The following CDC27 variants were observed in gnomAD, a reference collection of about 807,000 sequenced individuals.
CDC27 encodes the protein cell division cycle protein 27 homolog.
CDC27 carries 27 observed loss-of-function variants against 109.7 expected under a neutral mutation model. The ratio of observed to expected loss-of-function variants is 0.25; its 90% CI spans 0.18 to 0.34. CDC27 has a LOEUF of 0.34. Among genes scored for constraint, CDC27 ranks in the 10% least tolerant of loss-of-function variants. The probability of loss-of-function intolerance (pLI) is 1.00; values close to 1 mark genes in which losing one functional copy is unlikely to be tolerated. For synonymous variants in CDC27, 266 were observed against 333.9 expected (o/e 0.80, Z 2.22); for missense variants, 579 against 960.2 (o/e 0.60, Z 5.25).
At position 47,137,245 on chromosome 17, in the gene CDC27, A is replaced by G. The variant is rs1172181934; in HGVS notation, c.1820T>C (p.Leu607Ser). 1.9e-6 allele frequency: 3 copies of G among 1,611,010 alleles called. No homozygotes were observed. The highest frequency in any genetic ancestry group is 2.5e-6 in the Non-Finnish European group (3 of 1,178,154). Residue 607 changes from leucine (L) to serine (S), a missense_variant, in exon 14 of 19, where the codon TTA (leucine) becomes TCA (serine). Around this residue, in one of 9 missense-constraint regions of CDC27, gnomAD observed 227 missense variants for 363.6 expected, o/e 0.62. Coordinates refer to ENST00000066544, the MANE Select transcript of CDC27 (RefSeq NM_001256.6). ...TTCAGTTAAGACAAACTCATGCCCT[A>G]ATAGAGTATAGGCATAAGCGTAATT... ...DPNYAYAYTL[L>S]GHEFVLTEEL...
intron 16 of CDC27, among the ~76,000 whole-genome samples, chr17:47,127,334 T>C (rs529246195): frequency 1.9e-4 from 29 of 152,270 alleles, no homozygotes; most frequent in African/African-American, 2.6e-4. Context: ...ATAAAGAAGA[T>C]AGAATAAAAC....
At chr17:47,134,785 C>CTTTT (rs376654308) in intron 14 of CDC27, among the ~76,000 whole-genome samples, 4 of 125,002 alleles carry the variant, frequency 3.2e-5, no homozygotes, top group South Asian at 2.6e-4. Flanking sequence ...TAATTGTTTT[C>CTTTT]TTTTTTTTTT....
At chr17:47,149,005 G>T (rs956843373) in intron 9 of CDC27, among the ~76,000 whole-genome samples, 6 of 147,806 alleles carry the variant, frequency 4.1e-5, no homozygotes, top group Admixed American at 4.1e-4. Context: ...CTTGAACTCG[G>T]GAAGCAGAGG....
intron 14 of CDC27, among the ~76,000 whole-genome samples, chr17:47,133,285 T>C (rs2062451454): frequency 6.7e-6 from 1 of 149,276 alleles, no homozygotes; most frequent in Non-Finnish European, 1.5e-5. Flanking sequence ...ATTACAGGCA[T>C]GCACCATCAC....
At chr17:47,176,563 A>G (rs1339079205) in intron 2 of CDC27, among the ~76,000 whole-genome samples, 2 of 152,210 alleles carry the variant, frequency 1.3e-5, no homozygotes, top group Non-Finnish European at 2.9e-5. Flanking sequence ...AAATGGCAAT[A>G]TATGAGGAGA....
chr17:47,167,416 G>A (rs1326080350), intron 4 of CDC27, among the ~76,000 whole-genome samples: 10 of 152,084 alleles, frequency 6.6e-5, no homozygotes, highest in Non-Finnish European at 4.4e-5. Context: ...CAAATAATTT[G>A]TAGTCTTTGA....
intron 14 of CDC27, among the ~76,000 whole-genome samples, chr17:47,133,506 C>T (rs1182416048): frequency 1.3e-5 from 2 of 150,776 alleles, no homozygotes; most frequent in Non-Finnish European, 1.5e-5. Flanking sequence ...ATGGCATGAT[C>T]ACAGCTCACC....
At chr17:47,122,795 T>C (rs939591120) in intron 17 of CDC27, among the ~76,000 whole-genome samples, 195 bp from the exon 18 acceptor site, 5 of 152,170 alleles carry the variant, frequency 3.3e-5, no homozygotes, top group Non-Finnish European at 7.3e-5. Flanking sequence ...TGCTTCAGTC[T>C]CCTGAGTAGC....
intron 7 of CDC27, among the ~76,000 whole-genome samples, chr17:47,155,536 A>G (rs2063279443): frequency 6.6e-6 from 1 of 152,126 alleles, no homozygotes; most frequent in South Asian, 2.1e-4. Context: ...ATGAGCCCCC[A>G]TGCCCAACCC....
intron 15 of CDC27, among the ~76,000 whole-genome samples, chr17:47,130,354 C>T (rs1035966758): frequency 3.3e-5 from 5 of 149,540 alleles, no homozygotes; most frequent in African/African-American, 4.9e-5. Flanking sequence ...AGCGAGACTC[C>T]GTCTCAAAAA....
chr17:47,129,416 A>C lies in CDC27; in HGVS notation c.2137T>G (p.Leu713Val). Residue 713 changes from leucine to valine, a missense_variant, in exon 16 of 19, where the codon TTA (leucine) becomes GTA (valine). Leu to Val is a conservative substitution (Grantham distance 32). Coordinates refer to ENST00000066544, the MANE Select transcript of CDC27 (RefSeq NM_001256.6). ...ACCTTATATTTTTCATTTGCAAATA[A>C]AACTGAGGCTCTGTGAAATTTGCAT... ...PLCKFHRASV[L>V]FANEKYKSAL... 6.2e-7 allele frequency: 1 copy of C among 1,611,982 alleles called. No homozygotes were observed. Among genetic ancestry groups the C allele is most frequent in the Non-Finnish European group, 8.5e-7 (1 of 1,178,354 alleles).
At chr17:47,135,995 A>G (rs2062574689) in intron 14 of CDC27, among the ~76,000 whole-genome samples, 1 of 152,082 alleles carries the variant, frequency 6.6e-6, no homozygotes, top group South Asian at 2.1e-4. Context: ...AAAAAAAATT[A>G]GCCGGGCATG....
At chr17:47,164,526 T>C (rs1401759559) in intron 4 of CDC27, among the ~76,000 whole-genome samples, 3 of 152,190 alleles carry the variant, frequency 2.0e-5, no homozygotes, top group Non-Finnish European at 4.4e-5. Flanking sequence ...AGTACAAAAC[T>C]GTAAACTACG....
intron 2 of CDC27, 43 bp downstream of exon 2, chr17:47,181,519 T>A (rs1280727699): frequency 9.6e-7 from 1 of 1,046,616 alleles, no homozygotes; most frequent in South Asian, 1.4e-5. Context: ...ATTTCATATA[T>A]GTTATTCATT....
chr17:47,188,267 T>C (rs888773486), intron 1 of CDC27, among the ~76,000 whole-genome samples: 1 of 152,122 alleles, frequency 6.6e-6, no homozygotes, highest in African/African-American at 2.4e-5. Flanking sequence ...ACCTGGTCCA[T>C]TACCAAGGCA....
intron 1 of CDC27, among the ~76,000 whole-genome samples, chr17:47,187,151 G>A (rs2064470120): frequency 6.6e-6 from 1 of 152,064 alleles, no homozygotes; most frequent in South Asian, 2.1e-4. Flanking sequence ...GGACAATGCT[G>A]CTATGAAAAA....
intron 4 of CDC27, chr17:47,159,682 C>T: frequency 2.3e-6 from 1 of 433,718 alleles, no homozygotes; most frequent in African/African-American, 2.0e-5. Flanking sequence ...CATTGTAGTC[C>T]TCGATGGCAA....
chr17:47,141,719 T>A (rs1425275612), intron 12 of CDC27, 134 bp downstream of exon 12: 2 of 487,214 alleles, frequency 4.1e-6, no homozygotes, highest in Admixed American at 4.1e-5. Flanking sequence ...TTATAAATAC[T>A]GACAAAATAA....
At chr17:47,128,101 G>A (rs1490644589) in intron 16 of CDC27, among the ~76,000 whole-genome samples, 1 of 152,004 alleles carries the variant, frequency 6.6e-6, no homozygotes, top group Non-Finnish European at 1.5e-5. Flanking sequence ...CGTAATCTTG[G>A]CTCACTGCAA....
Sources: allele counts gnomAD v4.1 joint callset (sites outside exome capture counted in the v4.1 genomes callset), GRCh38; gene constraint gnomAD v4.1.1; regional missense constraint gnomAD v4.1.1; transcripts MANE v1.5; gene names NCBI Gene and HGNC (gene_info 2026-07-23, HGNC 2026-07-21).